FAM135A: variants seen among roughly 807,000 people sequenced by gnomAD.
The protein encoded by FAM135A is protein FAM135A.
A neutral mutation model predicts 146.8 loss-of-function variants in FAM135A; 79 were observed. That is an observed-to-expected ratio of 0.54 (90% confidence interval 0.45 to 0.65). FAM135A has a LOEUF of 0.65. FAM135A is among the 30% of genes least tolerant of loss of function. The pLI, the probability that FAM135A is intolerant of heterozygous loss-of-function variation, is 0.00. For synonymous variants in FAM135A, 562 were observed against 603.6 expected (o/e 0.93, Z 1.01); for missense variants, 1,623 against 1,758.2 (o/e 0.92, Z 1.38).
chr6:70,521,239 TAG>T (rs758781902), intron 12 of FAM135A, among the ~76,000 whole-genome samples: 29 of 152,236 alleles, frequency 1.9e-4, no homozygotes, highest in Admixed American at 1.2e-3. Context: ...TTAGAGAAGG[TAG>T]AGAGAGAAGG....
At chr6:70,417,365 C>A (rs1354252173) in intron 2 of FAM135A, among the ~76,000 whole-genome samples, 1 of 151,810 alleles carries the variant, frequency 6.6e-6, no homozygotes, top group Non-Finnish European at 1.5e-5. Flanking sequence ...ATGCCCAGGC[C>A]ACCACACCTG....
At chr6:70,420,361 T>G (rs746346580) in intron 2 of FAM135A, among the ~76,000 whole-genome samples, 1 of 152,210 alleles carries the variant, frequency 6.6e-6, no homozygotes, top group African/African-American at 2.4e-5. Context: ...TTTCCTCTTT[T>G]AGGTTCTGAA....
chr6:70,491,040 T>C lies in FAM135A; in HGVS notation c.830T>C (p.Met277Thr). 6.3e-7 allele frequency: 1 copy of C among 1,599,088 alleles called. No individual in the cohort carries two copies. The highest frequency in any genetic ancestry group is 8.5e-7 in the Non-Finnish European group (1 of 1,173,940). Reference protein sequence around the residue: ...PSCQKLELEEMDVEARLTELC... With the variant: ...PSCQKLELEETDVEARLTELC... ...TACTCTTTACTCCTTCCAGAGGAAA[T>C]GGATGTAGAAGCTCGACTTACTGAA... The change falls in exon 11 of 22, where the codon ATG (methionine) becomes ACG (threonine). Residue 277 changes from methionine (M) to threonine (T), a missense_variant. Met to Thr is a moderately conservative substitution (Grantham distance 81, BLOSUM62 -1). Around this residue, in one of 7 missense-constraint regions of FAM135A, gnomAD observed 206 missense variants for 194.7 expected, o/e 1.06. Transcript: ENST00000418814.
chr6:70,421,121 C>G (rs1244827086), intron 2 of FAM135A, among the ~76,000 whole-genome samples: 1 of 152,044 alleles, frequency 6.6e-6, no homozygotes, highest in Non-Finnish European at 1.5e-5. Flanking sequence ...AGAGCTCAAG[C>G]AGTCTGCTTG....
chr6:70,468,780 C>T (rs1424173297), intron 5 of FAM135A, among the ~76,000 whole-genome samples: 1 of 152,208 alleles, frequency 6.6e-6, no homozygotes, highest in Non-Finnish European at 1.5e-5. Context: ...ATTCTGATCT[C>T]TGCACTTAGT....
intron 20 of FAM135A, among the ~76,000 whole-genome samples, chr6:70,551,316 A>G (rs1426570134): frequency 6.6e-6 from 1 of 152,176 alleles, no homozygotes. Context: ...TTTGATTTAA[A>G]GTAAGAAACA....
At chr6:70,468,902 G>A (rs1458109540) in intron 5 of FAM135A, among the ~76,000 whole-genome samples, 1 of 152,152 alleles carries the variant, frequency 6.6e-6, no homozygotes, top group East Asian at 1.9e-4. Context: ...TTCTGCTAGG[G>A]TGAAGGAGGG....
chr6:70,518,521 G>T (rs1345591977), intron 12 of FAM135A, among the ~76,000 whole-genome samples: 2 of 152,154 alleles, frequency 1.3e-5, no homozygotes, highest in Non-Finnish European at 2.9e-5. Flanking sequence ...CCTTCTAGTA[G>T]AAGAAAATGC....
At chr6:70,438,189 G>A (rs1242671151) in intron 4 of FAM135A, among the ~76,000 whole-genome samples, 11 of 152,148 alleles carry the variant, frequency 7.2e-5, no homozygotes, top group Non-Finnish European at 1.6e-4. Flanking sequence ...ATAAATTTAA[G>A]TTGTCTTGTT....
chr6:70,496,085 CT>C (rs2128231630), intron 11 of FAM135A, among the ~76,000 whole-genome samples: 1 of 152,226 alleles, frequency 6.6e-6, no homozygotes, highest in South Asian at 2.1e-4. Context: ...GTGAATAGTG[CT>C]GCAATAAACA....
At chr6:70,420,659 T>A (rs1191936669) in intron 2 of FAM135A, among the ~76,000 whole-genome samples, 1 of 152,166 alleles carries the variant, frequency 6.6e-6, no homozygotes, top group Admixed American at 6.5e-5. Context: ...AATAGAAGTA[T>A]GTGAGATGTA....
intron 20 of FAM135A, among the ~76,000 whole-genome samples, chr6:70,554,372 A>G (rs1800422374): frequency 6.6e-6 from 1 of 152,194 alleles, no homozygotes; most frequent in Non-Finnish European, 1.5e-5. Flanking sequence ...GTCAAATAAG[A>G]TGAGGCCTGA....
chr6:70,514,494 T>A lies in FAM135A; in HGVS notation c.1030-8019T>A, dbSNP rs138400901. Among the ~76,000 whole-genome samples, 163 of 152,282 alleles carry A rather than the reference T, an allele frequency of 1.1e-3. 1 individual carries two copies. The highest frequency in any genetic ancestry group is 3.8e-3 in the African/African-American group (158 of 41,558). ...GCCAGCATGGAAGAGCTTTGGAAGTTGTTACTCCCATCCTAACCAGAAAAA... is the reference window on the plus strand; with the variant it reads ...GCCAGCATGGAAGAGCTTTGGAAGTAGTTACTCCCATCCTAACCAGAAAAA... On this transcript the variant is annotated intron_variant, in intron 12 of 21. Transcript: ENST00000418814.
At chr6:70,502,234 GA>G (rs1206417888) in intron 11 of FAM135A, among the ~76,000 whole-genome samples, 1 of 152,022 alleles carries the variant, frequency 6.6e-6, no homozygotes, top group African/African-American at 2.4e-5. Flanking sequence ...GCTAATTGGG[GA>G]AAAAATCTGA....
At chr6:70,457,440 G>T (rs1473534249) in intron 5 of FAM135A, among the ~76,000 whole-genome samples, 2 of 152,160 alleles carry the variant, frequency 1.3e-5, no homozygotes, top group Non-Finnish European at 2.9e-5. Context: ...TGTGATATTT[G>T]TATTTAGCCT....
intron 5 of FAM135A, among the ~76,000 whole-genome samples, chr6:70,458,590 A>G (rs760772085): frequency 4.3e-4 from 65 of 152,220 alleles, no homozygotes; most frequent in Middle Eastern, 3.4e-3. Context: ...TCCTCTGGGC[A>G]CCTGTGGTAA....
At chr6:70,427,112 C>G (rs553140504) in intron 3 of FAM135A, among the ~76,000 whole-genome samples, 3 of 152,212 alleles carry the variant, frequency 2.0e-5, no homozygotes, top group Non-Finnish European at 2.9e-5. Flanking sequence ...AGAAGTTATT[C>G]TTTAAATATG....
At chr6:70,546,125 G>T (rs113358915) in intron 20 of FAM135A, among the ~76,000 whole-genome samples, 292 of 151,952 alleles carry the variant, frequency 1.9e-3, no homozygotes, top group African/African-American at 6.6e-3. Context: ...TGCTATGCCT[G>T]TATATTTACA....
chr6:70,445,859 T>C (rs1158179937), intron 4 of FAM135A, among the ~76,000 whole-genome samples: 1 of 152,160 alleles, frequency 6.6e-6, no homozygotes, highest in Non-Finnish European at 1.5e-5. Flanking sequence ...CGGGGGGGGC[T>C]GTTCCCAACA....
Sources: gnomAD v4.1 joint callset for allele counts (sites outside exome capture counted in the v4.1 genomes callset) on GRCh38, gnomAD v4.1.1 for gene constraint, gnomAD v4.1.1 regional missense constraint, MANE v1.5 for transcripts, NCBI Gene and HGNC (gene_info 2026-07-23, HGNC 2026-07-21) for gene names.